SHISA9: variants seen among roughly 807,000 people sequenced by gnomAD.
The protein encoded by SHISA9 is protein shisa-9.
SHISA9 carries 13 observed loss-of-function variants against 38.0 expected under a neutral mutation model. The observed-to-expected ratio is 0.34, with a 90% CI of 0.22 to 0.54. The LOEUF (loss-of-function observed/expected upper bound fraction) is 0.54. Among genes scored for constraint, SHISA9 ranks in the 20% least tolerant of loss-of-function variants. The pLI, the probability that SHISA9 is intolerant of heterozygous loss-of-function variation, is 0.91. For missense variants in SHISA9, 538 were observed against 575.8 expected (o/e 0.93, Z 0.67); for synonymous variants, 275 against 242.0 (o/e 1.14, Z -1.27).
the SHISA9 span, among the ~76,000 whole-genome samples, chr16:13,294,554 AG>A: frequency 6.6e-6 from 1 of 152,336 alleles, no homozygotes; most frequent in East Asian, 1.9e-4. Context: ...ACCCAAATCA[AG>A]TCACATGGCC....
chr16:13,401,397 C>A, the SHISA9 span, among the ~76,000 whole-genome samples: 7 of 152,300 alleles, frequency 4.6e-5, no homozygotes, highest in African/African-American at 1.7e-4. Flanking sequence ...TGAGGCTGAG[C>A]AAGGCCCACG....
chr16:13,302,078 G>T, the SHISA9 span, among the ~76,000 whole-genome samples: 1 of 152,280 alleles, frequency 6.6e-6, no homozygotes, highest in African/African-American at 2.4e-5. Context: ...CAGTGGGGTA[G>T]TATGAGCTGC....
intron 2 of SHISA9, among the ~76,000 whole-genome samples, chr16:12,981,086 T>G (rs1378669153): frequency 6.6e-6 from 1 of 152,234 alleles, no homozygotes; most frequent in Non-Finnish European, 1.5e-5. Context: ...CTCAAATATC[T>G]TGTTATTATG....
At chr16:13,425,703 A>G in the SHISA9 span, among the ~76,000 whole-genome samples, 1 of 152,238 alleles carries the variant, frequency 6.6e-6, no homozygotes, top group African/African-American at 2.4e-5. Context: ...TTAAAGAGAA[A>G]GAACCACTCA....
intron 2 of SHISA9, among the ~76,000 whole-genome samples, chr16:12,951,220 CCAAAAAAAAAAAAAAA>C (rs1415232967): frequency 3.9e-5 from 3 of 77,686 alleles, no homozygotes; most frequent in Non-Finnish European, 4.6e-5. Context: ...GACTCCTTCT[CCAAAAAAAAAAAAAAA>C]AAAAAAAAAA....
chr16:13,110,953 A>AACTCAGAC, intron 2 of SHISA9, among the ~76,000 whole-genome samples: 1 of 152,306 alleles, frequency 6.6e-6, no homozygotes, highest in South Asian at 2.1e-4. Context: ...TTAAGAAGTA[A>AACTCAGAC]ACTCAGACAT....
At chr16:13,287,261 G>A in the SHISA9 span, among the ~76,000 whole-genome samples, 262 of 152,280 alleles carry the variant, frequency 1.7e-3, no homozygotes, top group Middle Eastern at 3.4e-3. Flanking sequence ...GGCTTTTTAG[G>A]AGATGAGAAT....
At chr16:13,376,597 A>AT in the SHISA9 span, among the ~76,000 whole-genome samples, 45 of 152,248 alleles carry the variant, frequency 3.0e-4, no homozygotes, top group African/African-American at 3.9e-4. Context: ...AAACACATGG[A>AT]TTTTTTTTAT....
At chr16:13,333,097 A>C in the SHISA9 span, among the ~76,000 whole-genome samples, 417 of 152,314 alleles carry the variant, frequency 2.7e-3, 1 homozygote, top group African/African-American at 9.5e-3. Context: ...AGAAGGGGGA[A>C]AGGGAATGGT....
At position 13,203,581 on chromosome 16, in the gene SHISA9, TCTC is replaced by T. The variant is rs1267328371; in HGVS notation, c.847+36_847+38del. The T allele has an allele frequency of 4.1e-6, 6 of 1,449,662 alleles. 1 individual carries two copies. In the South Asian group the frequency reaches 9.1e-5, roughly 22 times the overall value. The allele number at this position is 1,449,662 out of a possible 1,614,324, so 89.8% of individuals were successfully genotyped here. ...GCCACCTGATGGATCTTTTTCTCTT[TCTC>T]CTCTTCGCTCTCCTTTGCTGCTTCT... On this transcript the variant is annotated intron_variant, in intron 3 of 4. Transcript: ENST00000558583.
At chr16:12,922,873 T>C (rs2071345495) in intron 2 of SHISA9, among the ~76,000 whole-genome samples, 1 of 152,196 alleles carries the variant, frequency 6.6e-6, no homozygotes, top group Non-Finnish European at 1.5e-5. Flanking sequence ...CTCATTATTT[T>C]ATTTATGCCT....
At chr16:13,313,203 C>A in the SHISA9 span, among the ~76,000 whole-genome samples, 70 of 144,880 alleles carry the variant, frequency 4.8e-4, no homozygotes, top group African/African-American at 1.7e-3. Context: ...TGCAGTGAGC[C>A]GAGATCCCGC....
At chr16:13,066,172 G>A (rs1398688104) in intron 2 of SHISA9, among the ~76,000 whole-genome samples, 1 of 152,178 alleles carries the variant, frequency 6.6e-6, no homozygotes, top group Non-Finnish European at 1.5e-5. Context: ...GAAGATGCAT[G>A]GAGATGGCAC....
chr16:13,498,543 G>C, the SHISA9 span, among the ~76,000 whole-genome samples: 2 of 152,106 alleles, frequency 1.3e-5, no homozygotes, highest in Admixed American at 6.5e-5. Context: ...GATCAGCTGA[G>C]GTCAGGAGGT....
chr16:13,062,929 G>A lies in SHISA9; in HGVS notation c.692-140465G>A, dbSNP rs181697034. Among the ~76,000 whole-genome samples the A allele has an allele frequency of 6.2e-3, 933 of 150,606 alleles. 12 individuals carry two copies. Among genetic ancestry groups the A allele is most frequent in the African/African-American group, 0.022 (892 of 40,988 alleles). ...CTCCCGAGGGAGAGACCACAGTGGC[G>A]AGGCTAGATGCACTTGCCTGGGCGT... On this transcript the variant is annotated intron_variant, in intron 2 of 4. Coordinates refer to ENST00000558583, the MANE Select transcript of SHISA9 (RefSeq NM_001145204.3).
the SHISA9 span, among the ~76,000 whole-genome samples, chr16:13,447,541 C>T: frequency 3.9e-5 from 6 of 152,206 alleles, no homozygotes; most frequent in Admixed American, 3.9e-4. Flanking sequence ...AGATGCTGCA[C>T]ATGTGGGCAG....
At chr16:13,002,555 G>T (rs796850610) in intron 2 of SHISA9, among the ~76,000 whole-genome samples, 14 of 126,380 alleles carry the variant, frequency 1.1e-4, no homozygotes, top group African/African-American at 4.3e-4. Flanking sequence ...TTTTTTTTGA[G>T]ACAGTCTCAC....
the SHISA9 span, among the ~76,000 whole-genome samples, chr16:13,311,994 G>A: frequency 6.6e-6 from 1 of 152,338 alleles, no homozygotes; most frequent in African/African-American, 2.4e-5. Flanking sequence ...TGTATGCCCA[G>A]TGGCTTTCAG....
chr16:13,039,492 T>G (rs1360579836), intron 2 of SHISA9, among the ~76,000 whole-genome samples: 4 of 151,278 alleles, frequency 2.6e-5, no homozygotes, highest in Admixed American at 1.3e-4. Context: ...GGGGTTTTTT[T>G]TTTTTTTTTT....
Sources: gnomAD v4.1 joint callset for allele counts (sites outside exome capture counted in the v4.1 genomes callset) on GRCh38, gnomAD v4.1.1 for gene constraint, MANE v1.5 for transcripts, NCBI Gene and HGNC (gene_info 2026-07-23, HGNC 2026-07-21) for gene names.